The following SDK1 variants were observed in gnomAD, a reference collection of about 807,000 sequenced individuals.
SDK1 encodes protein sidekick-1.
In SDK1, 157 loss-of-function variants were observed where a neutral mutation model predicts 245.5. The observed-to-expected ratio is 0.64, with a 90% CI of 0.56 to 0.73. The LOEUF (loss-of-function observed/expected upper bound fraction) is 0.73. Among genes scored for constraint, SDK1 ranks in the 30% least tolerant of loss-of-function variants. The pLI is 0.00. For synonymous variants in SDK1, 1,647 were observed against 1,278.5 expected (o/e 1.29, Z -6.15); for missense variants, 3,583 against 3,002.3 (o/e 1.19, Z -4.52).
At chr7:3,474,308 A>G (rs1275785060) in intron 1 of SDK1, among the ~76,000 whole-genome samples, 3 of 151,136 alleles carry the variant, frequency 2.0e-5, no homozygotes, top group East Asian at 2.0e-4. Context: ...GTTGGCCAGG[A>G]TGGTCTCGGT....
chr7:3,893,174 G>T (rs1781504052), intron 5 of SDK1, among the ~76,000 whole-genome samples: 1 of 152,142 alleles, frequency 6.6e-6, no homozygotes, highest in South Asian at 2.1e-4. Flanking sequence ...CTTTTGCTAG[G>T]AAATTTTTTG....
intron 1 of SDK1, among the ~76,000 whole-genome samples, chr7:3,388,239 TA>T (rs1781658477): frequency 6.6e-6 from 1 of 152,062 alleles, no homozygotes. Context: ...TGGATGTGTA[TA>T]TATTTTTATG....
At chr7:3,340,903 A>G (rs1229677462) in intron 1 of SDK1, among the ~76,000 whole-genome samples, 1 of 152,188 alleles carries the variant, frequency 6.6e-6, no homozygotes, top group Non-Finnish European at 1.5e-5. Flanking sequence ...CTGGGTCCAG[A>G]TGGTTTCACT....
At chr7:3,809,918 A>G (rs909684584) in intron 4 of SDK1, among the ~76,000 whole-genome samples, 2 of 152,222 alleles carry the variant, frequency 1.3e-5, no homozygotes, top group African/African-American at 4.8e-5. Flanking sequence ...CAGCTCACGA[A>G]GTAAGAATGG....
chr7:3,899,469 C>G (rs1384196590), intron 5 of SDK1, among the ~76,000 whole-genome samples: 1 of 152,226 alleles, frequency 6.6e-6, no homozygotes, highest in Non-Finnish European at 1.5e-5. Context: ...GCTTCCTTGT[C>G]TAGGAAGGGG....
rs370910189 is a variant in SDK1, at chr7:3,984,199, A to C, written c.1995-2987A>C. On this transcript the variant is annotated intron_variant, in intron 13 of 44. Transcript: ENST00000404826. Reference sequence around the variant, plus strand: ...TCACATCCTAGCTGAGAGGGGGCAGAGGGATGGAGGGACATGTGTGAGCAT... The same window carrying C: ...TCACATCCTAGCTGAGAGGGGGCAGCGGGATGGAGGGACATGTGTGAGCAT... 3.9e-5 allele frequency among the ~76,000 whole-genome samples: 6 copies of C among 152,212 alleles called. No individual in the cohort carries two copies. In the South Asian group the frequency reaches 6.2e-4, roughly 16 times the overall value.
intron 22 of SDK1, among the ~76,000 whole-genome samples, chr7:4,092,708 T>C (rs544874242): frequency 2.9e-4 from 44 of 151,730 alleles, no homozygotes; most frequent in African/African-American, 8.5e-4. Flanking sequence ...GCCAGGGAGG[T>C]GATGTCAGAG....
intron 5 of SDK1, among the ~76,000 whole-genome samples, chr7:3,890,882 C>T (rs1195209908): frequency 6.6e-6 from 1 of 152,142 alleles, no homozygotes; most frequent in Non-Finnish European, 1.5e-5. Context: ...GGGGAGGTTG[C>T]AGTGAGCCGA....
chr7:3,915,106 G>C (rs1779322875), intron 5 of SDK1, among the ~76,000 whole-genome samples: 1 of 152,178 alleles, frequency 6.6e-6, no homozygotes, highest in Non-Finnish European at 1.5e-5. Context: ...TAGCCCCTAA[G>C]GGCACGAGAA....
At chr7:3,912,789 T>A (rs1171748718) in intron 5 of SDK1, among the ~76,000 whole-genome samples, 4 of 152,234 alleles carry the variant, frequency 2.6e-5, no homozygotes, top group Non-Finnish European at 5.9e-5. Flanking sequence ...CCTAAGGGAC[T>A]TGGCAGCTGG....
chr7:4,024,436 C>G (rs1045183185), intron 17 of SDK1, among the ~76,000 whole-genome samples: 11 of 152,206 alleles, frequency 7.2e-5, no homozygotes, highest in African/African-American at 2.7e-4. Context: ...GTTCCAGATT[C>G]TCCCAGCGTT....
intron 1 of SDK1, among the ~76,000 whole-genome samples, chr7:3,416,745 C>T (rs145299001): frequency 6.6e-5 from 10 of 152,258 alleles, no homozygotes; most frequent in African/African-American, 1.7e-4. Context: ...GCACATTTAC[C>T]AGAAGCCTCT....
rs188365153 is a variant in SDK1, at chr7:3,564,679, T to C, written c.299-54401T>C. On this transcript the variant is annotated intron_variant, in intron 1 of 44. Transcript: ENST00000404826. ...AAATTATCCTAAGAAATACAGAACA[T>C]GATTTCACCAATACATGGTAAAGAA... Among the ~76,000 whole-genome samples, 53 of 152,128 alleles carry C rather than the reference T, an allele frequency of 3.5e-4. No homozygotes were observed. The East Asian group carries it at 8.9e-3, about 26-fold the overall frequency.
chr7:3,738,127 C>G (rs1400896783), intron 4 of SDK1, among the ~76,000 whole-genome samples: 1 of 152,232 alleles, frequency 6.6e-6, no homozygotes, highest in Non-Finnish European at 1.5e-5. Flanking sequence ...ACTGCTAAAT[C>G]CAACATCGTG....
chr7:3,545,581 C>G (rs1336871386), intron 1 of SDK1, among the ~76,000 whole-genome samples: 1 of 152,150 alleles, frequency 6.6e-6, no homozygotes, highest in African/African-American at 2.4e-5. Flanking sequence ...ATCCTAGCAC[C>G]TAGTTTACAG....
chr7:3,919,771 T>C (rs898342986), intron 5 of SDK1, among the ~76,000 whole-genome samples: 1 of 152,118 alleles, frequency 6.6e-6, no homozygotes, highest in Non-Finnish European at 1.5e-5. Flanking sequence ...TGTAATTAAT[T>C]CATTAGGACC....
intron 4 of SDK1, among the ~76,000 whole-genome samples, chr7:3,787,253 T>A (rs772222324): frequency 2.0e-5 from 3 of 151,956 alleles, no homozygotes; most frequent in Non-Finnish European, 4.4e-5. Context: ...CCCACCTAAT[T>A]ACCTGACATT....
intron 1 of SDK1, among the ~76,000 whole-genome samples, chr7:3,409,295 T>C (rs898047031): frequency 5.6e-5 from 5 of 88,978 alleles, no homozygotes; most frequent in Admixed American, 1.2e-4. Flanking sequence ...GATTCTATTA[T>C]GGTTTTTTTT....
chr7:4,012,286 C>A, intron 16 of SDK1, 51 bp downstream of exon 16: 1 of 1,426,460 alleles, frequency 7.0e-7, no homozygotes, highest in South Asian at 1.7e-5. Context: ...AGTTGAGCGT[C>A]GATTTCACAG....
Sources: gnomAD v4.1 joint callset for allele counts (sites outside exome capture counted in the v4.1 genomes callset) on GRCh38, gnomAD v4.1.1 for gene constraint, MANE v1.5 for transcripts, NCBI Gene and HGNC (gene_info 2026-07-23, HGNC 2026-07-21) for gene names.